CHERP: variants seen among roughly 807,000 people sequenced by gnomAD.
The protein encoded by CHERP is calcium homeostasis endoplasmic reticulum protein.
CHERP carries 8 observed loss-of-function variants against 113.8 expected under a neutral mutation model. The observed-to-expected ratio is 0.07, with a 90% CI of 0.04 to 0.13. CHERP has a LOEUF of 0.13. Ranked by LOEUF, CHERP falls within the 10% of genes least tolerant of loss-of-function variation. The pLI, the probability that CHERP is intolerant of heterozygous loss-of-function variation, is 1.00. For synonymous variants in CHERP, 559 were observed against 524.5 expected (o/e 1.07, Z -0.90); for missense variants, 884 against 1,298.2 (o/e 0.68, Z 4.90).
intron 2 of CHERP, among the ~76,000 whole-genome samples, chr19:16,538,331 T>C (rs1020219937): frequency 6.6e-6 from 1 of 152,208 alleles, no homozygotes; most frequent in Non-Finnish European, 1.5e-5. Flanking sequence ...TCTCCCCTTG[T>C]TTTCACCTGG....
Position 16,525,727 on chromosome 19 carries a change from C to T in CHERP, c.1306-50G>A, listed in dbSNP as rs961984454. Reference sequence around the variant, plus strand: ...GCCCTGCGTGGTCTAGGCCCTAGTGCTCGGCAGCATCACAGCGCTCGGCAG... The same window carrying T: ...GCCCTGCGTGGTCTAGGCCCTAGTGTTCGGCAGCATCACAGCGCTCGGCAG... On this transcript the variant is annotated intron_variant, in intron 9 of 16. Transcript: ENST00000546361. This position sits in a 1 kb window ranked among gnomAD's most constrained non-coding sequence, Gnocchi z 6.5. 4.3e-6 allele frequency: 6 copies of T among 1,406,946 alleles called. No homozygotes were observed. In the African/African-American group the frequency reaches 7.4e-5, roughly 17 times the overall value. 87.2% of individuals were successfully genotyped at this position (1,406,946 alleles called of 1,614,324 possible).
At chr19:16,528,005 C>T (rs1408990406) in intron 9 of CHERP, 75 bp downstream of exon 9, 3 of 1,447,670 alleles carry the variant, frequency 2.1e-6, no homozygotes, top group Non-Finnish European at 2.9e-6. Flanking sequence ...CAACGCCCAC[C>T]AACTGGCATA....
In CHERP at chr19:16,530,498, TG is replaced by T; in HGVS notation, c.876+86del. 1 of 1,203,840 alleles carries T rather than the reference TG, an allele frequency of 8.3e-7. No individual in the cohort carries two copies. 74.6% of individuals were successfully genotyped at this position (1,203,840 alleles called of 1,614,324 possible). On this transcript the variant is annotated intron_variant, in intron 7 of 16. Coordinates refer to ENST00000546361, the MANE Select transcript of CHERP (RefSeq NM_006387.6). This position sits in a 1 kb window ranked among gnomAD's most constrained non-coding sequence, Gnocchi z 4.1. ...GACATGGGCTCTCTGGCTGCTGGGGTGGCAGCTGCTGTCCCCACACTCCCAA... is the reference window on the plus strand; with the variant it reads ...GACATGGGCTCTCTGGCTGCTGGGGTGCAGCTGCTGTCCCCACACTCCCAA...
intron 2 of CHERP, among the ~76,000 whole-genome samples, chr19:16,540,879 G>C (rs776297465): frequency 4.0e-5 from 6 of 150,446 alleles, no homozygotes; most frequent in Non-Finnish European, 8.9e-5. Context: ...TGTATTTTTC[G>C]TAGAAACAGG....
Position 16,519,380 on chromosome 19 carries a change from C to T in CHERP, c.2558-28G>A. The T allele has an allele frequency of 6.2e-7, 1 of 1,601,822 alleles. No homozygotes were observed. Among genetic ancestry groups the T allele is most frequent in the Non-Finnish European group, 8.5e-7 (1 of 1,175,388 alleles). On this transcript the variant is annotated intron_variant, in intron 16 of 16. Transcript: ENST00000546361. The surrounding 1 kb of genome is among the most constrained non-coding windows in gnomAD (Gnocchi z 6.0). ...GGAAACAGAGACGCAGTCACAACCA[C>T]AACAAGGCGGAGGCAGATGGGGGTG...
At position 16,531,402 on chromosome 19, in the gene CHERP, G is replaced by A. The variant is rs756227927; in HGVS notation, c.675-522C>T. ...CGGATGCCCAGCGGGGGGAGGCGCC[G>A]GGCCCATGTCCTCTCAGGGCTGCTG... On this transcript the variant is annotated intron_variant, in intron 5 of 16. Coordinates refer to ENST00000546361, the MANE Select transcript of CHERP (RefSeq NM_006387.6). Among the ~76,000 whole-genome samples the A allele has an allele frequency of 3.3e-5, 5 of 152,084 alleles. 1 individual carries two copies. The highest frequency in any genetic ancestry group is 5.9e-5 in the Non-Finnish European group (4 of 68,006).
intron 9 of CHERP, among the ~76,000 whole-genome samples, chr19:16,526,839 A>G (rs192954938): frequency 2.0e-5 from 3 of 152,286 alleles, no homozygotes; most frequent in Non-Finnish European, 2.9e-5. Context: ...CCATAGCTCA[A>G]TGAAGCCTGA....
chr19:16,522,991 A>G, intron 11 of CHERP, 61 bp downstream of exon 11: 1 of 1,467,930 alleles, frequency 6.8e-7, no homozygotes. Flanking sequence ...ACTTTTCACA[A>G]GGAGAAACGG....
chr19:16,520,857 G>A lies in CHERP; in HGVS notation c.2170C>T (p.Arg724Trp), dbSNP rs1248922427. 5 of 1,613,762 alleles carry A rather than the reference G, an allele frequency of 3.1e-6. No homozygotes were observed. The highest frequency in any genetic ancestry group is 2.2e-5 in the East Asian group (1 of 44,896). Reference protein sequence around the residue: ...YEFFRAKMRARRRKGQEKRNS... With the variant: ...YEFFRAKMRAWRRKGQEKRNS... ...CTCTTCTCCTGGCCTTTCCTCCGCC[G>A]GGCCCGCATTTTTGCTCGGAAGAAC... The change falls in exon 13 of 17, where the codon CGG (arginine) becomes TGG (tryptophan). Residue 724 changes from arginine to tryptophan, a missense_variant. Arg to Trp is a moderately radical substitution (Grantham distance 101, BLOSUM62 -3). Coordinates refer to ENST00000546361, the MANE Select transcript of CHERP (RefSeq NM_006387.6). This position sits in a 1 kb window ranked among gnomAD's most constrained non-coding sequence, Gnocchi z 4.0.
chr19:16,520,950 C>T lies in CHERP; in HGVS notation c.2115-38G>A. The T allele has an allele frequency of 6.4e-7, 1 of 1,559,354 alleles. No homozygotes were observed. The highest frequency in any genetic ancestry group is 8.8e-7 in the Non-Finnish European group (1 of 1,131,342). The stretch of plus-strand genomic sequence containing the variant: ...GCATTCCGTGTGTGACCACGTGACA[C>T]CCACCCACAAGGAAGTCGTGAAAAA... On this transcript the variant is annotated intron_variant, in intron 12 of 16. Coordinates refer to ENST00000546361, the MANE Select transcript of CHERP (RefSeq NM_006387.6). The surrounding 1 kb of genome is among the most constrained non-coding windows in gnomAD (Gnocchi z 4.0).
At chr19:16,540,423 A>G (rs2122292932) in intron 2 of CHERP, among the ~76,000 whole-genome samples, 1 of 142,080 alleles carries the variant, frequency 7.0e-6, no homozygotes, top group Admixed American at 7.3e-5. Context: ...CCCAGGCTGG[A>G]GCGCAATGGT....
intron 2 of CHERP, among the ~76,000 whole-genome samples, chr19:16,536,696 T>C (rs978225267): frequency 6.6e-6 from 1 of 152,158 alleles, no homozygotes; most frequent in African/African-American, 2.4e-5. Context: ...AACTCCTCCC[T>C]CTTTACCCGT....
Position 16,523,700 on chromosome 19 carries a change from GT to G in CHERP, c.1742-411del, listed in dbSNP as rs1470933511. Among the ~76,000 whole-genome samples the G allele has an allele frequency of 7.2e-5, 11 of 151,974 alleles. No homozygotes were observed. The highest frequency in any genetic ancestry group is 6.6e-5 in the Admixed American group (1 of 15,260). ...GCCCGAATCCAACGTGACTGTTGCC[GT>G]TATAATAAGAGATTAGGACACAGAC... is the stretch of plus-strand genomic sequence containing the variant. On this transcript the variant is annotated intron_variant, in intron 10 of 16. Transcript: ENST00000546361. The surrounding 1 kb of genome is among the most constrained non-coding windows in gnomAD (Gnocchi z 4.0).
chr19:16,528,048 C>T, intron 9 of CHERP, 32 bp downstream of exon 9: 1 of 1,608,784 alleles, frequency 6.2e-7, no homozygotes, highest in Non-Finnish European at 8.5e-7. Context: ...AAGTGTGCCC[C>T]ATCTGCTCCC....
Position 16,533,000 on chromosome 19 carries a change from T to C in CHERP, c.522+11A>G, listed in dbSNP as rs769457634. On this transcript the variant is annotated intron_variant, in intron 4 of 16. Coordinates refer to ENST00000546361, the MANE Select transcript of CHERP (RefSeq NM_006387.6). The surrounding 1 kb of genome is among the most constrained non-coding windows in gnomAD (Gnocchi z 4.4). Reference sequence around the variant, plus strand: ...GGGAAAGCTGGGCTCTGGGAAGTGCTGGCCCCTCACCGAGATGGCGTCCTT... The same window carrying C: ...GGGAAAGCTGGGCTCTGGGAAGTGCCGGCCCCTCACCGAGATGGCGTCCTT... 1.5e-4 allele frequency: 234 copies of C among 1,562,040 alleles called. No individual in the cohort carries two copies. The highest frequency in any genetic ancestry group is 5.8e-4 in the Admixed American group (30 of 52,068).
At chr19:16,541,650 A>AG (rs2085780513) in intron 2 of CHERP, 3 of 502,890 alleles carry the variant, frequency 6.0e-6, no homozygotes, top group Non-Finnish European at 1.0e-5. Flanking sequence ...TCCAGAGCCC[A>AG]GGGGGGAGGA....
At position 16,519,304 on chromosome 19, in the gene CHERP, T is replaced by C; in HGVS notation, c.2606A>G (p.Asp869Gly). ...CCGGACGTCCCCGCCCTTGATGGGG[T>C]CCTGGATCCCTTGCTCCTTCGCACC... ...GLGAKEQGIQ[D>G]PIKGGDVRDK... Residue 869 changes from aspartate to glycine, a missense_variant, in exon 17 of 17, where the codon GAC becomes GGC. Coordinates refer to ENST00000546361, the MANE Select transcript of CHERP (RefSeq NM_006387.6). The surrounding 1 kb of genome is among the most constrained non-coding windows in gnomAD (Gnocchi z 6.0). The C allele has an allele frequency of 6.2e-7, 1 of 1,613,738 alleles. No homozygotes were observed. The highest frequency in any genetic ancestry group is 1.1e-5 in the South Asian group (1 of 91,072).
intron 2 of CHERP, among the ~76,000 whole-genome samples, chr19:16,538,128 C>A (rs1042792874): frequency 2.0e-5 from 3 of 152,006 alleles, no homozygotes; most frequent in Non-Finnish European, 4.4e-5. Flanking sequence ...AGGATACACT[C>A]CTCACTCCTC....
At chr19:16,522,862 T>C (rs1361152402) in intron 11 of CHERP, among the ~76,000 whole-genome samples, 190 bp downstream of exon 11, 2 of 152,074 alleles carry the variant, frequency 1.3e-5, no homozygotes, top group African/African-American at 2.4e-5. Context: ...AGGGCAGACA[T>C]GGTGTCGCTC....
Sources: gnomAD v4.1 joint callset for allele counts (sites outside exome capture counted in the v4.1 genomes callset) on GRCh38, gnomAD v4.1.1 for gene constraint, Gnocchi (gnomAD v3.1) non-coding constraint, MANE v1.5 for transcripts, NCBI Gene and HGNC (gene_info 2026-07-23, HGNC 2026-07-21) for gene names.